SMARCAD1: variants seen among roughly 807,000 people sequenced by gnomAD.
SMARCAD1 encodes SWI/SNF-related matrix-associated actin-dependent regulator of chromatin subfamily A containing DEAD/H box 1.
SMARCAD1 carries 25 observed loss-of-function variants against 127.1 expected under a neutral mutation model. That is an observed-to-expected ratio of 0.20 (90% CI 0.14 to 0.27). The LOEUF (loss-of-function observed/expected upper bound fraction) is 0.27. SMARCAD1 is among the 10% of genes least tolerant of loss of function. SMARCAD1 has a pLI of 1.00. For synonymous variants in SMARCAD1, 400 were observed against 396.9 expected (o/e 1.01, Z -0.09); for missense variants, 807 against 1,206.0 (o/e 0.67, Z 4.90).
intron 5 of SMARCAD1, among the ~76,000 whole-genome samples, chr4:94,237,680 T>C: frequency 6.6e-6 from 1 of 152,134 alleles, no homozygotes. Flanking sequence ...AAAATGTAAA[T>C]ATATTGGTTT....
At chr4:94,217,592 A>C (rs1178014075) in intron 2 of SMARCAD1, among the ~76,000 whole-genome samples, 3 of 152,192 alleles carry the variant, frequency 2.0e-5, no homozygotes, top group Non-Finnish European at 4.4e-5. Context: ...TTTTGTGACC[A>C]GAGAATGTGG....
At chr4:94,247,118 A>ATTT in intron 6 of SMARCAD1, among the ~76,000 whole-genome samples, 1 of 151,686 alleles carries the variant, frequency 6.6e-6, no homozygotes, top group East Asian at 1.9e-4. Flanking sequence ...GTAATTGCTT[A>ATTT]TTGTTTTGAT....
At chr4:94,214,252 T>A (rs1742766702) in intron 2 of SMARCAD1, among the ~76,000 whole-genome samples, 1 of 144,970 alleles carries the variant, frequency 6.9e-6, no homozygotes, top group Non-Finnish European at 1.5e-5. Flanking sequence ...TATTGAAAAT[T>A]GAGCGTTCTT....
intron 21 of SMARCAD1, among the ~76,000 whole-genome samples, chr4:94,282,092 G>GTTTTTTTTTTTT (rs144409121): frequency 2.7e-5 from 3 of 110,980 alleles, no homozygotes; most frequent in Admixed American, 1.2e-4. Flanking sequence ...ATGCAAATAC[G>GTTTTTTTTTTTT]TTTTTTTGTT....
chr4:94,263,898 T>G, intron 9 of SMARCAD1, among the ~76,000 whole-genome samples: 1 of 152,122 alleles, frequency 6.6e-6, no homozygotes, highest in African/African-American at 2.4e-5. Context: ...TGTCATGTTT[T>G]ATAGAATATA....
chr4:94,245,363 A>G (rs574336640), intron 6 of SMARCAD1, among the ~76,000 whole-genome samples: 1 of 152,332 alleles, frequency 6.6e-6, no homozygotes, highest in South Asian at 2.1e-4. Flanking sequence ...GATGTTTTAA[A>G]TGCTGTGAAA....
At chr4:94,231,219 C>T (rs991478811) in intron 3 of SMARCAD1, among the ~76,000 whole-genome samples, 2 of 152,002 alleles carry the variant, frequency 1.3e-5, no homozygotes, top group African/African-American at 4.8e-5. Flanking sequence ...AACCCTGGCA[C>T]ATGGAATTAA....
chr4:94,216,391 G>C (rs2632417), intron 2 of SMARCAD1, among the ~76,000 whole-genome samples: 83,427 of 151,904 alleles, frequency 0.55, 23,417 homozygotes, highest in East Asian at 0.72. Flanking sequence ...TCTGCATTCC[G>C]CATTACCACA....
Position 94,249,666 on chromosome 4 carries a change from A to G in SMARCAD1, c.718A>G (p.Asn240Asp). 1 of 1,595,764 alleles carries G rather than the reference A, an allele frequency of 6.3e-7. No individual in the cohort carries two copies. The highest frequency in any genetic ancestry group is 8.6e-7 in the Non-Finnish European group (1 of 1,163,774). Residue 240 changes from asparagine (N) to aspartate (D), a missense_variant, in exon 7 of 24, where the codon AAT becomes GAT. Asn to Asp is a conservative substitution (Grantham distance 23). Around this residue, in one of 8 missense-constraint regions of SMARCAD1, gnomAD observed 257 missense variants for 303.4 expected, o/e 0.85. Transcript: ENST00000354268. ...TTCTCCCCATTAGGGAGAGGAATCAAATGAGTCTGCAGAATCTAGCAGTAA... is the reference window on the plus strand; with the variant it reads ...TTCTCCCCATTAGGGAGAGGAATCAGATGAGTCTGCAGAATCTAGCAGTAA... ...KTRLDHGEES[N>D]ESAESSSNWE... is the part of the protein sequence containing the mutation.
At chr4:94,256,295 A>T (rs943452489) in intron 9 of SMARCAD1, among the ~76,000 whole-genome samples, 2 of 151,994 alleles carry the variant, frequency 1.3e-5, no homozygotes, top group Non-Finnish European at 2.9e-5. Context: ...GGTTTAGTCC[A>T]TGTCACACAC....
At chr4:94,257,273 GA>G (rs1750246480) in intron 9 of SMARCAD1, among the ~76,000 whole-genome samples, 1 of 152,092 alleles carries the variant, frequency 6.6e-6, no homozygotes, top group African/African-American at 2.4e-5. Context: ...GTGCAGAAAT[GA>G]AAAAGTAAAG....
intron 2 of SMARCAD1, among the ~76,000 whole-genome samples, chr4:94,211,469 A>G (rs1578975045): frequency 1.3e-5 from 2 of 152,152 alleles, no homozygotes; most frequent in Non-Finnish European, 1.5e-5. Flanking sequence ...GGATGTGACT[A>G]TTGACCTTAC....
chr4:94,224,979 G>C (rs1744771072), intron 2 of SMARCAD1, among the ~76,000 whole-genome samples: 1 of 152,132 alleles, frequency 6.6e-6, no homozygotes, highest in African/African-American at 2.4e-5. Context: ...CCTAGACCAG[G>C]CACTGTGTTT....
chr4:94,227,032 C>T (rs751808178), intron 3 of SMARCAD1, among the ~76,000 whole-genome samples: 7 of 151,896 alleles, frequency 4.6e-5, no homozygotes, highest in Admixed American at 2.6e-4. Flanking sequence ...TTCTAAAGAG[C>T]GTGGTCAGAA....
chr4:94,233,282 T>C (rs1483689330), intron 3 of SMARCAD1, among the ~76,000 whole-genome samples: 1 of 152,226 alleles, frequency 6.6e-6, no homozygotes, highest in Non-Finnish European at 1.5e-5. Context: ...GTGCCTACCA[T>C]GTTTGAAAAC....
At chr4:94,248,739 T>C (rs745803881) in intron 6 of SMARCAD1, among the ~76,000 whole-genome samples, 1 of 152,182 alleles carries the variant, frequency 6.6e-6, no homozygotes, top group Non-Finnish European at 1.5e-5. Flanking sequence ...TTAGTCCAGA[T>C]ATCCATAGCA....
intron 7 of SMARCAD1, 117 bp downstream of exon 7, chr4:94,249,872 ATGT>A (rs1422928526): frequency 1.5e-6 from 1 of 677,964 alleles, no homozygotes; most frequent in Non-Finnish European, 2.7e-6. Context: ...TTCTAATTAA[ATGT>A]TCTCCTTTTA....
At chr4:94,283,053 T>G in intron 21 of SMARCAD1, 68 bp from the exon 22 acceptor site, 1 of 1,325,636 alleles carries the variant, frequency 7.5e-7, no homozygotes, top group South Asian at 1.2e-5. Flanking sequence ...GTGATAATGA[T>G]TGTTTTCCAT....
At chr4:94,208,274 A>C in intron 1 of SMARCAD1, 72 bp from the exon 2 acceptor site, 2 of 1,083,378 alleles carry the variant, frequency 1.8e-6, no homozygotes, top group Non-Finnish European at 2.9e-6. Flanking sequence ...TGCCTTGGGA[A>C]TAAACTGCTG....
Sources: allele counts gnomAD v4.1 joint callset (sites outside exome capture counted in the v4.1 genomes callset), GRCh38; gene constraint gnomAD v4.1.1; regional missense constraint gnomAD v4.1.1; transcripts MANE v1.5; gene names NCBI Gene and HGNC (gene_info 2026-07-23, HGNC 2026-07-21).